The following WIPF2 variants were observed in gnomAD, a reference collection of about 807,000 sequenced individuals.
The protein encoded by WIPF2 is WAS/WASL interacting protein family member 2.
Under a neutral mutation model 38.8 loss-of-function variants are expected in WIPF2, and 23 were observed. The observed-to-expected ratio is 0.59, with a 90% CI of 0.43 to 0.84. The LOEUF is 0.84. Among genes scored for constraint, WIPF2 ranks in the 40% least tolerant of loss-of-function variants. WIPF2 has a pLI of 0.00. For missense variants in WIPF2, 574 were observed against 580.5 expected, an observed-to-expected ratio of 0.99 and a Z score of 0.11; for synonymous variants, 210 against 223.2, an observed-to-expected ratio of 0.94 and a Z score of 0.53.
At chr17:40,277,680 CAAAAA>C (rs1224716638) in intron 7 of WIPF2, among the ~76,000 whole-genome samples, 3 of 124,426 alleles carry the variant, frequency 2.4e-5, no homozygotes, top group South Asian at 2.6e-4. Context: ...GACTCCGTCT[CAAAAA>C]AAAAGAAAAA....
At position 40,280,051 on chromosome 17, in the gene WIPF2, A is replaced by G. The variant is rs1404011869; in HGVS notation, c.*1826A>G. The G allele has an allele frequency of 1.3e-5, 2 of 152,100 alleles. No individual in the cohort carries two copies. The highest frequency in any genetic ancestry group is 4.8e-5 in the African/African-American group (2 of 41,384). 9.4% of individuals were successfully genotyped at this position (152,100 alleles called of 1,614,324 possible). ...GCTGTCCTTTGCCATCCCCTGGACC[A>G]TATTAACTCTGGGACAGACCATGAT... On this transcript the variant is annotated 3_prime_UTR_variant, in exon 8 of 8. Coordinates refer to ENST00000323571, the MANE Select transcript of WIPF2 (RefSeq NM_133264.5).
chr17:40,259,177 C>A (rs141825199), intron 2 of WIPF2, among the ~76,000 whole-genome samples: 1 of 150,976 alleles, frequency 6.6e-6, no homozygotes, highest in Non-Finnish European at 1.5e-5. Context: ...CTGTGCCGGC[C>A]GGCCTCGTGC....
At chr17:40,278,098 C>T in intron 7 of WIPF2, 87 bp from the exon 8 acceptor site, 1 of 1,442,626 alleles carries the variant, frequency 6.9e-7, no homozygotes, top group Middle Eastern at 1.7e-4. Flanking sequence ...GCTTAAAGAG[C>T]CTGTCTCTCA....
At chr17:40,263,270 G>C (rs2031970685) in intron 4 of WIPF2, among the ~76,000 whole-genome samples, 2 of 151,982 alleles carry the variant, frequency 1.3e-5, no homozygotes, top group South Asian at 4.2e-4. Flanking sequence ...GCATTAGTTA[G>C]AGTCTCATAA....
At chr17:40,224,210 A>ATTTTTT (rs748140162) in intron 1 of WIPF2, among the ~76,000 whole-genome samples, 1 of 102,376 alleles carries the variant, frequency 9.8e-6, no homozygotes, top group African/African-American at 3.7e-5. Context: ...CAGCCTGCTT[A>ATTTTTT]TTTTTTTTTT....
intron 1 of WIPF2, among the ~76,000 whole-genome samples, chr17:40,250,253 A>G (rs2031514302): frequency 1.4e-5 from 1 of 71,374 alleles, no homozygotes; most frequent in African/African-American, 5.8e-5. Context: ...TTTTTGAGAC[A>G]AAGTCTCGCT....
chr17:40,253,048 T>A (rs2031607905), intron 1 of WIPF2, among the ~76,000 whole-genome samples: 1 of 150,108 alleles, frequency 6.7e-6, no homozygotes, highest in Non-Finnish European at 1.5e-5. Flanking sequence ...TTACAGGCAT[T>A]AGCCACCGCG....
At position 40,282,267 on chromosome 17, in the gene WIPF2, T is replaced by C. The variant is rs2032565921; in HGVS notation, c.*4042T>C. 6.6e-6 allele frequency: 1 copy of C among 152,234 alleles called. No homozygotes were observed. The highest frequency in any genetic ancestry group is 2.4e-5 in the African/African-American group (1 of 41,458). The allele number at this position is 152,234 out of a possible 1,614,324, so 9.4% of individuals were successfully genotyped here. Reference sequence around the variant, plus strand: ...TTAAAATCTTCCTTGATAACTGCTGTTTCTTTCTACTCTTGTTTCTGGCAA... The same window carrying C: ...TTAAAATCTTCCTTGATAACTGCTGCTTCTTTCTACTCTTGTTTCTGGCAA... On this transcript the variant is annotated 3_prime_UTR_variant, in exon 8 of 8. Coordinates refer to ENST00000323571, the MANE Select transcript of WIPF2 (RefSeq NM_133264.5).
chr17:40,277,723 C>CTTTTTTTTTTGTTTTTTTTTTTTT (rs2032447180), intron 7 of WIPF2, among the ~76,000 whole-genome samples: 1 of 97,638 alleles, frequency 1.0e-5, no homozygotes, highest in Non-Finnish European at 1.9e-5. Context: ...CTTCGTTGTC[C>CTTTTTTTTTTGTTTTTTTTTTTTT]TTTTTTTTTT....
At chr17:40,222,310 C>T (rs1598460510) in intron 1 of WIPF2, among the ~76,000 whole-genome samples, 1 of 151,768 alleles carries the variant, frequency 6.6e-6, no homozygotes, top group African/African-American at 2.4e-5. Flanking sequence ...CCTTGGCCTC[C>T]CAAAGTGCTG....
Position 40,282,635 on chromosome 17 carries a change from A to C in WIPF2, c.*4410A>C, listed in dbSNP as rs2032576373. 1 of 152,200 alleles carries C rather than the reference A, an allele frequency of 6.6e-6. No individual in the cohort carries two copies. The highest frequency in any genetic ancestry group is 1.5e-5 in the Non-Finnish European group (1 of 68,030). The allele number at this position is 152,200 out of a possible 1,614,324, so 9.4% of individuals were successfully genotyped here. A position where few individuals can be genotyped will look rare whatever the true frequency, so the allele number is the denominator to read the frequency against. ...CTGGTCTCAGGTTGGATTCTTTGGT[A>C]CATTTCTCTCTTCTGGATGCCATGC... On this transcript the variant is annotated 3_prime_UTR_variant, in exon 8 of 8. Coordinates refer to ENST00000323571, the MANE Select transcript of WIPF2 (RefSeq NM_133264.5).
chr17:40,229,021 A>C (rs2030625534), intron 1 of WIPF2, among the ~76,000 whole-genome samples: 2 of 151,420 alleles, frequency 1.3e-5, no homozygotes, highest in African/African-American at 4.9e-5. Flanking sequence ...CTCTTGCCTT[A>C]GCCTCCTAAA....
intron 1 of WIPF2, among the ~76,000 whole-genome samples, chr17:40,245,681 C>T (rs557453818): frequency 3.3e-5 from 5 of 152,112 alleles, no homozygotes; most frequent in African/African-American, 9.6e-5. Flanking sequence ...CTGTCTTATG[C>T]GTTGGAGGAT....
chr17:40,261,522 C>T (rs1598490670), intron 3 of WIPF2, among the ~76,000 whole-genome samples: 1 of 151,402 alleles, frequency 6.6e-6, no homozygotes, highest in African/African-American at 2.4e-5. Flanking sequence ...TGGTCTTGAC[C>T]TCCTGACCTC....
At chr17:40,224,231 CTTTTTTTTTT>C (rs57637591) in intron 1 of WIPF2, among the ~76,000 whole-genome samples, 2 of 110,118 alleles carry the variant, frequency 1.8e-5, no homozygotes, top group East Asian at 2.7e-4. Flanking sequence ...CTTTTCTTTT[CTTTTTTTTTT>C]TTTTTTTTGA....
chr17:40,229,900 A>C (rs553070053), intron 1 of WIPF2, among the ~76,000 whole-genome samples: 3 of 152,292 alleles, frequency 2.0e-5, no homozygotes, highest in African/African-American at 7.2e-5. Context: ...ACCTAGGTAG[A>C]GGAGATGGCA....
chr17:40,223,355 T>C (rs1289386891), intron 1 of WIPF2, among the ~76,000 whole-genome samples: 1 of 152,000 alleles, frequency 6.6e-6, no homozygotes, highest in Admixed American at 6.6e-5. Context: ...GCCAGGCTGG[T>C]CATTTACTAA....
At chr17:40,229,691 G>A (rs1401276577) in intron 1 of WIPF2, among the ~76,000 whole-genome samples, 2 of 152,134 alleles carry the variant, frequency 1.3e-5, no homozygotes, top group East Asian at 1.9e-4. Flanking sequence ...TAAAGTGCTG[G>A]GATTGTAGGT....
chr17:40,256,125 C>T (rs1378836919), intron 1 of WIPF2, among the ~76,000 whole-genome samples: 1 of 140,678 alleles, frequency 7.1e-6, no homozygotes, highest in East Asian at 2.0e-4. Flanking sequence ...AAAAAGGACA[C>T]AAGGCCTAAA....
Sources: allele counts gnomAD v4.1 joint callset (sites outside exome capture counted in the v4.1 genomes callset), GRCh38; gene constraint gnomAD v4.1.1; transcripts MANE v1.5; gene names NCBI Gene and HGNC (gene_info 2026-07-23, HGNC 2026-07-21).